ARMC8: variants seen among roughly 807,000 people sequenced by gnomAD.
ARMC8 encodes the protein armadillo repeat containing 8.
A neutral mutation model predicts 99.3 loss-of-function variants in ARMC8; 20 were observed. That is an observed-to-expected ratio of 0.20 (90% CI 0.14 to 0.29). The LOEUF (loss-of-function observed/expected upper bound fraction) is 0.29, where lower values mean the gene tolerates loss of function less well. ARMC8 is among the 10% of genes least tolerant of loss of function. The pLI is 1.00. For synonymous variants in ARMC8, 263 were observed against 278.3 expected (o/e 0.95, Z 0.55); for missense variants, 569 against 809.5 (o/e 0.70, Z 3.60).
chr3:138,297,752 AAACTT>A lies in ARMC8; in HGVS notation c.*1862_*1866del, dbSNP rs1430203395. 2.0e-5 allele frequency: 3 copies of A among 152,366 alleles called. No individual in the cohort carries two copies. The East Asian group carries it at 5.8e-4, about 29-fold the overall frequency. The allele number at this position is 152,366 out of a possible 1,614,324, so 9.4% of individuals were successfully genotyped here. ...TAATGTGAGAAACCCAGTTAAAAGAAAACTTAGTTTATTGGGAAGAAAGCCTCAGG... is the reference window on the plus strand; with the variant it reads ...TAATGTGAGAAACCCAGTTAAAAGAAAGTTTATTGGGAAGAAAGCCTCAGG... On this transcript the variant is annotated 3_prime_UTR_variant, in exon 22 of 22. Transcript: ENST00000469044.
At chr3:138,292,214 A>G (rs1181633661) in intron 21 of ARMC8, among the ~76,000 whole-genome samples, 1 of 151,656 alleles carries the variant, frequency 6.6e-6, no homozygotes, top group Non-Finnish European at 1.5e-5. Flanking sequence ...ATTTTTTTGT[A>G]TTTTTAGTAG....
chr3:138,237,090 T>G (rs2046371625), intron 7 of ARMC8, among the ~76,000 whole-genome samples: 1 of 152,350 alleles, frequency 6.6e-6, no homozygotes, highest in South Asian at 2.1e-4. Flanking sequence ...AAATTGCTAC[T>G]TCCTGATTTT....
chr3:138,288,543 T>G (rs1318349272), intron 19 of ARMC8, among the ~76,000 whole-genome samples: 1 of 152,160 alleles, frequency 6.6e-6, no homozygotes, highest in Non-Finnish European at 1.5e-5. Context: ...GATTCTCCAC[T>G]GTCCCTTGTT....
chr3:138,229,169 T>TATATATATAC lies in ARMC8; in HGVS notation c.528+168_528+169insCATATATATA, dbSNP rs1559957911. ...ATATATATATATATATATATATATA[T>TATATATATAC]ATATATATATATATGTATATGTATA... On this transcript the variant is annotated intron_variant, in intron 6 of 21. Coordinates refer to ENST00000469044, the MANE Select transcript of ARMC8 (RefSeq NM_001363941.2). 10 of 48,882 alleles carry TATATATATAC rather than the reference T, an allele frequency of 2.0e-4. 1 individual carries two copies. The highest frequency in any genetic ancestry group is 6.5e-4 in the African/African-American group (10 of 15,338). The allele number at this position is 48,882 out of a possible 1,614,324, so 3.0% of individuals were successfully genotyped here. A position where few individuals can be genotyped will look rare whatever the true frequency, so the allele number is the denominator to read the frequency against.
Position 138,230,624 on chromosome 3 carries a change from A to T in ARMC8, c.528+1614A>T, listed in dbSNP as rs149994732. Among the ~76,000 whole-genome samples the T allele has an allele frequency of 3.6e-4, 55 of 152,318 alleles. 1 individual carries two copies. In the East Asian group the frequency reaches 0.01, roughly 28 times the overall value. ...ACCAGTCATTGCACCACTGTACTTCAGCCTGAGTCACAGAACGAGACCCTG... is the reference window on the plus strand; with the variant it reads ...ACCAGTCATTGCACCACTGTACTTCTGCCTGAGTCACAGAACGAGACCCTG... On this transcript the variant is annotated intron_variant, in intron 6 of 21. Coordinates refer to ENST00000469044, the MANE Select transcript of ARMC8 (RefSeq NM_001363941.2).
chr3:138,237,148 C>A (rs1274831504), intron 7 of ARMC8, 161 bp from the exon 8 acceptor site: 10 of 603,222 alleles, frequency 1.7e-5, no homozygotes, highest in Non-Finnish European at 2.9e-5. Context: ...TTTTAACTTA[C>A]TGTACTCTGC....
chr3:138,196,452 G>C (rs901532533), intron 1 of ARMC8, among the ~76,000 whole-genome samples: 10 of 152,152 alleles, frequency 6.6e-5, no homozygotes, highest in African/African-American at 1.7e-4. Context: ...CTCAATACCT[G>C]CTTTCCCAGG....
chr3:138,281,593 T>C (rs1442373388), intron 18 of ARMC8, among the ~76,000 whole-genome samples: 1 of 152,070 alleles, frequency 6.6e-6, no homozygotes, highest in Non-Finnish European at 1.5e-5. Flanking sequence ...CCCGGCCTAA[T>C]TGATTTCTTT....
At chr3:138,219,415 C>A (rs2045268338) in intron 2 of ARMC8, among the ~76,000 whole-genome samples, 1 of 152,154 alleles carries the variant, frequency 6.6e-6, no homozygotes, top group Admixed American at 6.5e-5. Flanking sequence ...CTGGGGGTTT[C>A]AGGGCATGCT....
intron 5 of ARMC8, among the ~76,000 whole-genome samples, chr3:138,225,829 C>CA (rs1287300794): frequency 6.6e-6 from 1 of 152,114 alleles, no homozygotes; most frequent in Non-Finnish European, 1.5e-5. Context: ...GAGGAATAGG[C>CA]AAAGCAAGCA....
chr3:138,242,741 A>G (rs186609461), intron 11 of ARMC8, among the ~76,000 whole-genome samples: 100 of 152,278 alleles, frequency 6.6e-4, no homozygotes, highest in African/African-American at 1.5e-3. Flanking sequence ...AATGGTAACT[A>G]TTCTCCTTTT....
intron 2 of ARMC8, among the ~76,000 whole-genome samples, chr3:138,215,874 T>A (rs1358664252): frequency 6.6e-6 from 1 of 151,752 alleles, no homozygotes; most frequent in East Asian, 1.9e-4. Context: ...TTATTGTTTT[T>A]TTTTGAGACA....
intron 13 of ARMC8, 41 bp downstream of exon 13, chr3:138,263,862 A>G (rs971734640): frequency 2.2e-5 from 34 of 1,560,896 alleles, no homozygotes; most frequent in Non-Finnish European, 2.6e-5. Context: ...CTTTTGCCAT[A>G]TATTTAACCT....
rs370777693 is a variant in ARMC8, at chr3:138,297,970, CTG to C, written c.*2081_*2082del. The stretch of plus-strand genomic sequence containing the variant: ...GAAATAACACTTTCACACTTAAACT[CTG>C]TGGATAAATTTTGCCTGTGGGTATA... On this transcript the variant is annotated 3_prime_UTR_variant, in exon 22 of 22. Coordinates refer to ENST00000469044, the MANE Select transcript of ARMC8 (RefSeq NM_001363941.2). The C allele has an allele frequency of 1.1e-4, 16 of 152,342 alleles. No individual in the cohort carries two copies. The highest frequency in any genetic ancestry group is 3.4e-4 in the African/African-American group (14 of 41,586). 9.4% of individuals were successfully genotyped at this position (152,342 alleles called of 1,614,324 possible). A position where few individuals can be genotyped will look rare whatever the true frequency, so the allele number is the denominator to read the frequency against.
chr3:138,293,478 G>T (rs1035704738), intron 21 of ARMC8, among the ~76,000 whole-genome samples: 1 of 152,070 alleles, frequency 6.6e-6, no homozygotes, highest in Non-Finnish European at 1.5e-5. Context: ...GGCAGAGATC[G>T]TGGTGAGCCG....
chr3:138,223,766 C>A, intron 5 of ARMC8, 33 bp downstream of exon 5: 1 of 1,549,392 alleles, frequency 6.5e-7, no homozygotes, highest in South Asian at 1.1e-5. Context: ...ACATTAGTTA[C>A]ATTTCACCAA....
At chr3:138,213,991 C>CA (rs1200852077) in intron 2 of ARMC8, among the ~76,000 whole-genome samples, 3 of 151,790 alleles carry the variant, frequency 2.0e-5, no homozygotes, top group Non-Finnish European at 4.4e-5. Context: ...CCCATCTCTA[C>CA]AAAAATAAAA....
chr3:138,247,357 G>A (rs1361167978), intron 12 of ARMC8, among the ~76,000 whole-genome samples: 2 of 152,058 alleles, frequency 1.3e-5, no homozygotes, highest in Non-Finnish European at 2.9e-5. Context: ...AGTTAACTGA[G>A]TCAATAAGTA....
intron 12 of ARMC8, among the ~76,000 whole-genome samples, chr3:138,249,210 A>G (rs942741821): frequency 1.3e-5 from 2 of 152,180 alleles, no homozygotes; most frequent in Admixed American, 6.5e-5. Context: ...TGCATTAGGA[A>G]CTTTCCTAAC....
Sources: allele counts gnomAD v4.1 joint callset (sites outside exome capture counted in the v4.1 genomes callset), GRCh38; gene constraint gnomAD v4.1.1; transcripts MANE v1.5; gene names NCBI Gene and HGNC (gene_info 2026-07-23, HGNC 2026-07-21).